The following SLC39A11 variants were observed in gnomAD, a reference collection of about 807,000 sequenced individuals.
SLC39A11 encodes zinc transporter ZIP11.
SLC39A11 carries 33 observed loss-of-function variants against 36.1 expected under a neutral mutation model. That is an observed-to-expected ratio of 0.91 (90% CI 0.69 to 1.22). The LOEUF is 1.22. Ranked by LOEUF, SLC39A11 falls within the 50% of genes most tolerant of loss-of-function variation. The pLI, the probability that SLC39A11 is intolerant of heterozygous loss-of-function variation, is 0.00. For missense variants in SLC39A11, 432 were observed against 430.3 expected (o/e 1.00, Z -0.03); for synonymous variants, 166 against 170.3 (o/e 0.97, Z 0.20).
chr17:72,681,497 G>A (rs1360943059), intron 7 of SLC39A11, among the ~76,000 whole-genome samples: 2 of 152,170 alleles, frequency 1.3e-5, no homozygotes, highest in African/African-American at 2.4e-5. Context: ...GGGAAGGAGA[G>A]AAGTCACGAA....
intron 6 of SLC39A11, among the ~76,000 whole-genome samples, chr17:72,778,324 G>A (rs558644888): frequency 3.9e-5 from 6 of 152,290 alleles, no homozygotes; most frequent in Middle Eastern, 3.4e-3. Context: ...AGGAGGCCCC[G>A]GTCTCAGCCC....
intron 7 of SLC39A11, among the ~76,000 whole-genome samples, 176 bp from the exon 8 acceptor site, chr17:72,649,444 G>T (rs2069741738): frequency 6.6e-6 from 1 of 152,194 alleles, no homozygotes. Context: ...AAGAGCAGGG[G>T]CTGCAGGAGG....
intron 6 of SLC39A11, among the ~76,000 whole-genome samples, chr17:72,767,257 T>C (rs1347834472): frequency 6.6e-6 from 1 of 152,242 alleles, no homozygotes; most frequent in Admixed American, 6.5e-5. Context: ...TTTGCTGATT[T>C]TCTCAGTATT....
At chr17:72,686,326 G>A (rs928735536) in intron 7 of SLC39A11, among the ~76,000 whole-genome samples, 5 of 152,174 alleles carry the variant, frequency 3.3e-5, no homozygotes, top group Admixed American at 1.3e-4. Context: ...CTGAGCCATC[G>A]TCCAGTGTCA....
At chr17:72,913,218 T>C (rs2083129047) in intron 5 of SLC39A11, among the ~76,000 whole-genome samples, 5 of 152,080 alleles carry the variant, frequency 3.3e-5, no homozygotes. Context: ...TTTAATTTTT[T>C]TAAATGGGAA....
intron 7 of SLC39A11, 72 bp from the exon 8 acceptor site, chr17:72,649,340 A>C: frequency 7.2e-7 from 1 of 1,396,168 alleles, no homozygotes; most frequent in Admixed American, 2.0e-5. Flanking sequence ...TCCCTGGCCG[A>C]GGCCAAGACC....
intron 6 of SLC39A11, among the ~76,000 whole-genome samples, chr17:72,784,768 T>A (rs1324865621): frequency 6.6e-6 from 1 of 152,014 alleles, no homozygotes; most frequent in Non-Finnish European, 1.5e-5. Context: ...ATAAGCTTCC[T>A]GAGACCCCCC....
intron 5 of SLC39A11, among the ~76,000 whole-genome samples, chr17:72,911,143 T>C (rs752732364): frequency 1.3e-5 from 2 of 151,992 alleles, no homozygotes; most frequent in African/African-American, 2.4e-5. Context: ...AATAAAATAA[T>C]ATCGCTGCCT....
In SLC39A11 at chr17:72,896,885, T is replaced by C. The variant is rs1018795287; in HGVS notation, c.431-47081A>G. ...CTGACCAACATGGAGAAACCCCATC[T>C]CTACTAAAAATACAAAAATTAGCTG... On this transcript the variant is annotated intron_variant, in intron 5 of 9. Transcript: ENST00000255559. Among the ~76,000 whole-genome samples, 4 of 151,026 alleles carry C rather than the reference T, an allele frequency of 2.6e-5. No homozygotes were observed. The East Asian group carries it at 5.8e-4, about 22-fold the overall frequency.
At chr17:72,976,153 G>C (rs184391512) in intron 4 of SLC39A11, among the ~76,000 whole-genome samples, 143 of 110,786 alleles carry the variant, frequency 1.3e-3, no homozygotes, top group Middle Eastern at 0.02. Context: ...CTGAGCGACA[G>C]AGCGCGACTC....
chr17:72,972,352 C>T (rs1262551458), intron 4 of SLC39A11, among the ~76,000 whole-genome samples: 2 of 152,104 alleles, frequency 1.3e-5, no homozygotes, highest in Non-Finnish European at 2.9e-5. Flanking sequence ...ACCGCCCCAC[C>T]CTTCCATTTC....
intron 5 of SLC39A11, among the ~76,000 whole-genome samples, chr17:72,884,250 T>C (rs950175418): frequency 2.0e-5 from 3 of 152,230 alleles, no homozygotes; most frequent in Non-Finnish European, 2.9e-5. Flanking sequence ...AAAAGCAGCG[T>C]TGTCACTGTG....
At chr17:72,722,887 C>T (rs763133523) in intron 7 of SLC39A11, among the ~76,000 whole-genome samples, 5 of 152,150 alleles carry the variant, frequency 3.3e-5, no homozygotes, top group Admixed American at 2.0e-4. Context: ...CCACCAGCCT[C>T]GACCTCCCAA....
chr17:72,788,187 C>A (rs887522050), intron 6 of SLC39A11, among the ~76,000 whole-genome samples: 1 of 152,180 alleles, frequency 6.6e-6, no homozygotes, highest in African/African-American at 2.4e-5. Context: ...ACTGGTTAGG[C>A]CCAGGTATTT....
chr17:72,816,934 G>A (rs999567109), intron 6 of SLC39A11, among the ~76,000 whole-genome samples: 11 of 152,098 alleles, frequency 7.2e-5, no homozygotes, highest in African/African-American at 2.7e-4. Flanking sequence ...CAGACTCTGT[G>A]GTCTGGGAAA....
intron 7 of SLC39A11, among the ~76,000 whole-genome samples, chr17:72,656,817 T>C (rs2143949695): frequency 6.6e-6 from 1 of 152,272 alleles, no homozygotes; most frequent in Non-Finnish European, 1.5e-5. Context: ...TTAAAGTTCA[T>C]TTCCTATTAT....
chr17:73,027,128 T>C (rs1213901360), intron 4 of SLC39A11, among the ~76,000 whole-genome samples: 2 of 152,024 alleles, frequency 1.3e-5, no homozygotes, highest in African/African-American at 4.8e-5. Context: ...TCTCAAATAA[T>C]AACAATAATA....
At chr17:72,961,772 A>AT (rs1410515418) in intron 4 of SLC39A11, among the ~76,000 whole-genome samples, 7 of 152,324 alleles carry the variant, frequency 4.6e-5, no homozygotes, top group Non-Finnish European at 1.0e-4. Flanking sequence ...TAATATTAAA[A>AT]GAAATACCTA....
intron 7 of SLC39A11, among the ~76,000 whole-genome samples, chr17:72,725,815 T>C (rs2073906073): frequency 6.6e-6 from 1 of 152,142 alleles, no homozygotes; most frequent in Non-Finnish European, 1.5e-5. Context: ...GGTAGTGTGA[T>C]AGGTTCAAGA....
Sources: allele counts gnomAD v4.1 joint callset (sites outside exome capture counted in the v4.1 genomes callset), GRCh38; gene constraint gnomAD v4.1.1; transcripts MANE v1.5; gene names NCBI Gene and HGNC (gene_info 2026-07-23, HGNC 2026-07-21).